SLC44A5: variants seen among roughly 807,000 people sequenced by gnomAD.
SLC44A5 encodes choline transporter-like protein 5.
A neutral mutation model predicts 101.8 loss-of-function variants in SLC44A5; 57 were observed. The observed-to-expected ratio is 0.56, with a 90% CI of 0.45 to 0.70. The LOEUF (loss-of-function observed/expected upper bound fraction) is 0.70. Ranked by LOEUF, SLC44A5 falls within the 30% of genes least tolerant of loss-of-function variation. The probability of loss-of-function intolerance (pLI) is 0.00; values close to 1 mark genes in which losing one functional copy is unlikely to be tolerated. For synonymous variants in SLC44A5, 281 were observed against 290.9 expected, an observed-to-expected ratio of 0.97 and a Z score of 0.35; for missense variants, 737 against 853.1, an observed-to-expected ratio of 0.86 and a Z score of 1.70.
the SLC44A5 span, among the ~76,000 whole-genome samples, chr1:75,693,679 T>C: frequency 4.1e-4 from 63 of 151,952 alleles, no homozygotes; most frequent in African/African-American, 1.5e-3. Context: ...CCCACCAATG[T>C]TTACAGGTTC....
chr1:75,689,238 G>T, the SLC44A5 span, among the ~76,000 whole-genome samples: 1 of 152,136 alleles, frequency 6.6e-6, no homozygotes, highest in African/African-American at 2.4e-5. Context: ...CTTGTATGCA[G>T]TCCACTAAAG....
At chr1:75,713,233 C>T in the SLC44A5 span, among the ~76,000 whole-genome samples, 6,720 of 152,230 alleles carry the variant, frequency 0.044, 203 homozygotes, top group African/African-American at 0.092. Flanking sequence ...TAATTTTATA[C>T]TCTTTCCTCA....
chr1:75,215,346 C>T (rs1276971101), intron 19 of SLC44A5, among the ~76,000 whole-genome samples: 1 of 152,072 alleles, frequency 6.6e-6, no homozygotes, highest in Non-Finnish European at 1.5e-5. Flanking sequence ...CACATTTCAA[C>T]ACAAGATTCA....
intron 8 of SLC44A5, among the ~76,000 whole-genome samples, chr1:75,242,640 C>T (rs1358347993): frequency 6.6e-6 from 1 of 151,968 alleles, no homozygotes; most frequent in East Asian, 1.9e-4. Flanking sequence ...TTATTAGTGT[C>T]GGGGAATAGT....
intron 2 of SLC44A5, among the ~76,000 whole-genome samples, chr1:75,430,775 ACT>A (rs1664570961): frequency 6.6e-6 from 1 of 152,148 alleles, no homozygotes; most frequent in Admixed American, 6.5e-5. Context: ...GTGGTTAGAA[ACT>A]CTGCTGTAGA....
chr1:75,538,361 C>T (rs1018064553), intron 2 of SLC44A5, among the ~76,000 whole-genome samples: 2 of 152,062 alleles, frequency 1.3e-5, no homozygotes, highest in Non-Finnish European at 2.9e-5. Context: ...CACTGGAAAA[C>T]ACAGATATAG....
the SLC44A5 span, among the ~76,000 whole-genome samples, chr1:75,697,401 G>A: frequency 6.6e-6 from 1 of 152,190 alleles, no homozygotes; most frequent in Non-Finnish European, 1.5e-5. Flanking sequence ...TCAGTAATTT[G>A]TTTAAGAACA....
In SLC44A5 at chr1:75,286,496, C is replaced by T. The variant is rs145988302; in HGVS notation, c.176-11454G>A. On this transcript the variant is annotated intron_variant, in intron 5 of 23. Transcript: ENST00000370859. ...AATGTTAGTATTGAAAAGTGAGGTA[C>T]TATTCTATTCATCATGATAGTTGTT... Among the ~76,000 whole-genome samples, 39 of 152,196 alleles carry T rather than the reference C, an allele frequency of 2.6e-4. 1 individual carries two copies. In the East Asian group the frequency reaches 7.5e-3, roughly 29 times the overall value.
intron 3 of SLC44A5, among the ~76,000 whole-genome samples, chr1:75,374,208 T>A (rs1367493809): frequency 6.6e-6 from 1 of 152,042 alleles, no homozygotes; most frequent in Non-Finnish European, 1.5e-5. Flanking sequence ...CCCACAATCA[T>A]CCTCTGGGCT....
chr1:75,535,980 G>C (rs564264713), intron 2 of SLC44A5, among the ~76,000 whole-genome samples: 4 of 151,556 alleles, frequency 2.6e-5, no homozygotes, highest in African/African-American at 9.7e-5. Context: ...AGGCGGAGGC[G>C]GGAGGATTGT....
chr1:75,510,673 T>C (rs911426507), intron 2 of SLC44A5, among the ~76,000 whole-genome samples: 2 of 152,226 alleles, frequency 1.3e-5, no homozygotes, highest in African/African-American at 4.8e-5. Context: ...ATAAAAATTA[T>C]GGGAAACCTT....
In SLC44A5 at chr1:75,214,009, A is replaced by G. The variant is rs186222458; in HGVS notation, c.1803-20T>C. The G allele has an allele frequency of 6.1e-6, 9 of 1,464,282 alleles. No homozygotes were observed. In the Admixed American group the frequency reaches 1.4e-4, roughly 23 times the overall value. The allele number at this position is 1,464,282 out of a possible 1,614,324, so 90.7% of individuals were successfully genotyped here. Reference sequence around the variant, plus strand: ...GCAACTCTGAGTATCAGAAAAAAAGAAAGTATAATTCTGTGTTTAAAATAT... The same window carrying G: ...GCAACTCTGAGTATCAGAAAAAAAGGAAGTATAATTCTGTGTTTAAAATAT... On this transcript the variant is annotated intron_variant, in intron 20 of 23. Coordinates refer to ENST00000370859, the MANE Select transcript of SLC44A5 (RefSeq NM_001130058.2).
upstream of SLC44A5, among the ~76,000 whole-genome samples, chr1:75,615,173 G>C (rs983307726): frequency 1.3e-5 from 2 of 152,044 alleles, no homozygotes; most frequent in African/African-American, 4.8e-5. Context: ...CAGGGAGACT[G>C]CTTAGCCGGA....
At chr1:75,449,273 G>A (rs1318834073) in intron 2 of SLC44A5, among the ~76,000 whole-genome samples, 1 of 152,212 alleles carries the variant, frequency 6.6e-6, no homozygotes, top group Non-Finnish European at 1.5e-5. Flanking sequence ...CACATTGGTT[G>A]TGTTCTCTTC....
chr1:75,297,422 C>A (rs1654050424), intron 5 of SLC44A5, among the ~76,000 whole-genome samples: 1 of 152,134 alleles, frequency 6.6e-6, no homozygotes, highest in Non-Finnish European at 1.5e-5. Flanking sequence ...GTAGCTGAGA[C>A]TACAGGAGCA....
the SLC44A5 span, among the ~76,000 whole-genome samples, chr1:75,711,581 A>C: frequency 6.6e-6 from 1 of 152,252 alleles, no homozygotes; most frequent in Admixed American, 6.5e-5. Flanking sequence ...TTAGTATGTG[A>C]AAAATCATAC....
intron 12 of SLC44A5, among the ~76,000 whole-genome samples, chr1:75,232,542 A>G (rs1328429026): frequency 1.3e-5 from 2 of 152,136 alleles, no homozygotes; most frequent in African/African-American, 2.4e-5. Context: ...GTGCTCAATA[A>G]GAAGCTCAGG....
intron 4 of SLC44A5, among the ~76,000 whole-genome samples, chr1:75,311,022 T>C (rs757219055): frequency 3.3e-5 from 5 of 151,884 alleles, no homozygotes; most frequent in African/African-American, 4.8e-5. Context: ...TTAAAGTTAA[T>C]ATATATGCAT....
the SLC44A5 span, among the ~76,000 whole-genome samples, chr1:75,638,451 G>A: frequency 3.9e-5 from 6 of 152,008 alleles, no homozygotes; most frequent in Non-Finnish European, 8.8e-5. Context: ...AAACCTGCAA[G>A]GAATCAGGAA....
Sources: gnomAD v4.1 joint callset for allele counts (sites outside exome capture counted in the v4.1 genomes callset) on GRCh38, gnomAD v4.1.1 for gene constraint, MANE v1.5 for transcripts, NCBI Gene and HGNC (gene_info 2026-07-23, HGNC 2026-07-21) for gene names.